Variants in NELFB observed in about 807,000 individuals in gnomAD.
NELFB encodes the protein negative elongation factor complex member B.
Under a neutral mutation model 60.2 loss-of-function variants are expected in NELFB, and 34 were observed. The observed-to-expected ratio is 0.56, with a 90% CI of 0.43 to 0.75. The LOEUF (loss-of-function observed/expected upper bound fraction) is 0.75. Ranked by LOEUF, NELFB falls within the 30% of genes least tolerant of loss-of-function variation. The pLI, the probability that NELFB is intolerant of heterozygous loss-of-function variation, is 0.00. For synonymous variants in NELFB, 459 were observed against 382.1 expected (o/e 1.20, Z -2.35); for missense variants, 770 against 831.6 (o/e 0.93, Z 0.91).
chr9:137,262,006 A>G (rs1485820838), intron 4 of NELFB, among the ~76,000 whole-genome samples: 5 of 151,030 alleles, frequency 3.3e-5, no homozygotes, highest in African/African-American at 4.9e-5. Flanking sequence ...GAGAGAGAGA[A>G]ACAGCTTACG....
At position 137,272,986 on chromosome 9, in the gene NELFB, C is replaced by T. The variant is rs1403869561; in HGVS notation, c.*58C>T. 1.4e-5 allele frequency: 20 copies of T among 1,449,574 alleles called. No individual in the cohort carries two copies. Among genetic ancestry groups the T allele is most frequent in the Admixed American group, 5.3e-5 (2 of 37,392 alleles). The allele number at this position is 1,449,574 out of a possible 1,614,324, so 89.8% of individuals were successfully genotyped here. A position where few individuals can be genotyped will look rare whatever the true frequency, so the allele number is the denominator to read the frequency against. Reference sequence around the variant, plus strand: ...ATGCCGAGTCGCGGCCCTGCTCAGCCGGAAGAGGCTCCCGGACCTGGATGT... The same window carrying T: ...ATGCCGAGTCGCGGCCCTGCTCAGCTGGAAGAGGCTCCCGGACCTGGATGT... On this transcript the variant is annotated 3_prime_UTR_variant, in exon 13 of 13. Coordinates refer to ENST00000343053, the MANE Select transcript of NELFB (RefSeq NM_015456.5).
rs1276574122 is a variant in NELFB at position 137,263,047 on chromosome 9, G to A, written c.752G>A (p.Arg251Gln). The change falls in exon 5 of 13, where the codon CGG becomes CAG. Residue 251 changes from arginine (R) to glutamine (Q), a missense_variant. Coordinates refer to ENST00000343053, the MANE Select transcript of NELFB (RefSeq NM_015456.5). ...TGCCTCTTGCTGCAGGTGGTGCAGC[G>A]GCTGACGCGGATGGTGGGGAAGAAC... is the stretch of plus-strand genomic sequence containing the variant. The A allele has an allele frequency of 1.4e-5, 22 of 1,612,512 alleles. No homozygotes were observed. The highest frequency in any genetic ancestry group is 2.2e-5 in the East Asian group (1 of 44,824).
In NELFB at chr9:137,258,594, G is replaced by A. The variant is rs993987182; in HGVS notation, c.741+1540G>A. On this transcript the variant is annotated intron_variant, in intron 4 of 12. Transcript: ENST00000343053. ...CTCTCGAGTAGCTGAGACTACAGGC[G>A]CGCCCCACCATGCCTGGCTAATTTT... Among the ~76,000 whole-genome samples, 49 of 151,546 alleles carry A rather than the reference G, an allele frequency of 3.2e-4. 1 individual carries two copies. Among genetic ancestry groups the A allele is most frequent in the Admixed American group, 2.4e-3 (36 of 15,210 alleles).
chr9:137,272,329 G>C (rs1301503730), intron 11 of NELFB, 107 bp downstream of exon 11: 9 of 1,533,546 alleles, frequency 5.9e-6, no homozygotes, highest in Non-Finnish European at 8.0e-6. Flanking sequence ...GTCCGCAGGT[G>C]GGTCTGTTGG....
intron 4 of NELFB, among the ~76,000 whole-genome samples, chr9:137,262,232 T>C (rs1476972482): frequency 1.3e-5 from 2 of 152,060 alleles, no homozygotes; most frequent in East Asian, 3.9e-4. Context: ...AGCAGAGTTT[T>C]CTCTAAACTC....
Position 137,256,318 on chromosome 9 carries a change from AGTT to A in NELFB, c.411-7_411-5del. On this transcript the variant is annotated splice_region_variant and splice_polypyrimidine_tract_variant and intron_variant, in intron 2 of 12. Coordinates refer to ENST00000343053, the MANE Select transcript of NELFB (RefSeq NM_015456.5). ...GCATCGCTGCACCATCAATCCTGTG[AGTT>A]GTTCCAGGTACAAGAAGCTGGAAGA... The A allele has an allele frequency of 5.6e-6, 9 of 1,612,242 alleles. No individual in the cohort carries two copies. The highest frequency in any genetic ancestry group is 1.1e-5 in the South Asian group (1 of 91,060).
Position 137,256,342 on chromosome 9 carries a change from G to A in NELFB, c.424G>A (p.Glu142Lys), listed in dbSNP as rs778973624. The A allele has an allele frequency of 6.2e-7, 1 of 1,614,004 alleles. No individual in the cohort carries two copies. The highest frequency in any genetic ancestry group is 8.5e-7 in the Non-Finnish European group (1 of 1,179,996). ...GAGTTGTTCCAGGTACAAGAAGCTG[G>A]AAGACCTTCTGGAGAAGAGCTTTTC... The change falls in exon 3 of 13, where the codon GAA (glutamate) becomes AAA (lysine). Residue 142 changes from glutamate to lysine, a missense_variant. Coordinates refer to ENST00000343053, the MANE Select transcript of NELFB (RefSeq NM_015456.5).
intron 4 of NELFB, 93 bp from the exon 5 acceptor site, chr9:137,262,944 C>G (rs1013365110): frequency 2.2e-6 from 3 of 1,394,046 alleles, no homozygotes; most frequent in Non-Finnish European, 3.0e-6. Flanking sequence ...GACAGATGTC[C>G]AGAGAGAGGG....
At chr9:137,271,817 C>A (rs1286517749) in intron 10 of NELFB, among the ~76,000 whole-genome samples, 6 of 135,412 alleles carry the variant, frequency 4.4e-5, no homozygotes, top group African/African-American at 1.3e-4. Context: ...CTCCTCCTGT[C>A]CCTGGGCTGT....
intron 9 of NELFB, 57 bp from the exon 10 acceptor site, chr9:137,267,183 G>A: frequency 8.6e-6 from 1 of 116,228 alleles, no homozygotes. Flanking sequence ...GGTCGGTGTG[G>A]GGCTGAGGTG....
At chr9:137,268,310 G>C (rs1478886920) in intron 10 of NELFB, among the ~76,000 whole-genome samples, 1 of 152,214 alleles carries the variant, frequency 6.6e-6, no homozygotes, top group Non-Finnish European at 1.5e-5. Flanking sequence ...GGACGGCCGG[G>C]CACGGTGGCT....
chr9:137,271,456 C>T (rs1190428286), intron 10 of NELFB, among the ~76,000 whole-genome samples: 1 of 152,264 alleles, frequency 6.6e-6, no homozygotes, highest in Non-Finnish European at 1.5e-5. Context: ...CTGCAGGGGC[C>T]CCGTTTGGGG....
Position 137,269,601 on chromosome 9 carries a change from C to G in NELFB, c.1489+2255C>G, listed in dbSNP as rs1393406619. Among the ~76,000 whole-genome samples the G allele has an allele frequency of 6.6e-6, 1 of 152,214 alleles. No homozygotes were observed. The highest frequency in any genetic ancestry group is 2.4e-5 in the African/African-American group (1 of 41,450). ...CTTTCTCTATTTAGATACACAGTTG[C>G]CATTGTGTCCCAGCAGCCTTCAGTA... On this transcript the variant is annotated intron_variant, in intron 10 of 12. Transcript: ENST00000343053. The surrounding 1 kb of genome is among the most constrained non-coding windows in gnomAD (Gnocchi z 5.3).
At chr9:137,258,688 C>T (rs1837596629) in intron 4 of NELFB, among the ~76,000 whole-genome samples, 1 of 151,904 alleles carries the variant, frequency 6.6e-6, no homozygotes, top group African/African-American at 2.4e-5. Context: ...CTCCTGACCT[C>T]AGGTAATCCG....
chr9:137,263,351 C>T, intron 5 of NELFB, 129 bp downstream of exon 5: 1 of 723,564 alleles, frequency 1.4e-6, no homozygotes, highest in Non-Finnish European at 2.2e-6. Flanking sequence ...GCTGCCCTCC[C>T]TCCCTCCCTC....
At position 137,272,171 on chromosome 9, in the gene NELFB, A is replaced by T; in HGVS notation, c.1580A>T (p.Glu527Val). Residue 527 changes from glutamate to valine, a missense_variant, in exon 11 of 13, where the codon GAG becomes GTG. Transcript: ENST00000343053. ...CTGCTGGCCGACGAATTTGCCCTTG[A>T]GGACTTCTGCAGCAGCCTCTTCGAT... 1 of 1,614,194 alleles carries T rather than the reference A, an allele frequency of 6.2e-7. No homozygotes were observed. The highest frequency in any genetic ancestry group is 8.5e-7 in the Non-Finnish European group (1 of 1,180,026).
At chr9:137,268,613 C>T (rs1036683224) in intron 10 of NELFB, among the ~76,000 whole-genome samples, 1 of 152,140 alleles carries the variant, frequency 6.6e-6, no homozygotes, top group Admixed American at 6.6e-5. Flanking sequence ...GGACTTCTCC[C>T]AGTTCTGCGG....
intron 4 of NELFB, among the ~76,000 whole-genome samples, chr9:137,261,994 A>AGAGG (rs1454218784): frequency 6.9e-6 from 1 of 144,926 alleles, no homozygotes; most frequent in Non-Finnish European, 1.5e-5. Context: ...AGAGAGAGAG[A>AGAGG]GGAGAGAGAG....
Position 137,256,925 on chromosome 9 carries a change from C to T in NELFB, c.612C>T (p.Leu204=), listed in dbSNP as rs1304252119. 6 of 1,614,108 alleles carry T rather than the reference C, an allele frequency of 3.7e-6. No individual in the cohort carries two copies. In the African/African-American group the frequency reaches 4.0e-5, roughly 11 times the overall value. ...AGATCTGGCAAGACAACCAGGCCCT[C>T]TTCGGGGACGAGGTTTCCCCACTCC... is the stretch of plus-strand genomic sequence containing the variant. The change falls in exon 4 of 13, where the codon CTC becomes CTT. Residue 204 remains leucine (L), a synonymous_variant. Transcript: ENST00000343053.
Sources: gnomAD v4.1 joint callset for allele counts (sites outside exome capture counted in the v4.1 genomes callset) on GRCh38, gnomAD v4.1.1 for gene constraint, Gnocchi (gnomAD v3.1) non-coding constraint, MANE v1.5 for transcripts, NCBI Gene and HGNC (gene_info 2026-07-23, HGNC 2026-07-21) for gene names.